The following UQCC1 variants were observed in gnomAD, a reference collection of about 807,000 sequenced individuals.
UQCC1 encodes the protein ubiquinol-cytochrome c reductase complex assembly factor 1, also known as bFGF-repressed Zic-binding protein.
A neutral mutation model predicts 48.0 loss-of-function variants in UQCC1; 38 were observed. The ratio of observed to expected loss-of-function variants is 0.79; its 90% CI spans 0.61 to 1.04. The LOEUF is 1.04. UQCC1 is among the 50% of genes least tolerant of loss of function. UQCC1 has a pLI of 0.00. For synonymous variants in UQCC1, 111 were observed against 129.2 expected (o/e 0.86, Z 0.95); for missense variants, 368 against 381.8 (o/e 0.96, Z 0.30).
rs573956285 is a variant in UQCC1, at chr20:35,340,123, G to A, written c.573+7041C>T. Among the ~76,000 whole-genome samples, 6 of 152,204 alleles carry A rather than the reference G, an allele frequency of 3.9e-5. No homozygotes were observed. In the East Asian group the frequency reaches 5.8e-4, roughly 15 times the overall value. On this transcript the variant is annotated intron_variant, in intron 7 of 9. Coordinates refer to ENST00000374385, the MANE Select transcript of UQCC1 (RefSeq NM_018244.5). ...GAAGTTGGTGTAGTGCTGCAGTAACGCAGAGTCCGATGTGCCACTCAGGAC... is the reference window on the plus strand; with the variant it reads ...GAAGTTGGTGTAGTGCTGCAGTAACACAGAGTCCGATGTGCCACTCAGGAC...
chr20:35,335,379 T>C (rs78574098), intron 7 of UQCC1, among the ~76,000 whole-genome samples: 3,781 of 152,086 alleles, frequency 0.025, 157 homozygotes, highest in African/African-American at 0.085. Context: ...AACTGATTAA[T>C]AGATTTTTAA....
At chr20:35,347,619 A>G (rs2061445451) in intron 6 of UQCC1, among the ~76,000 whole-genome samples, 1 of 152,108 alleles carries the variant, frequency 6.6e-6, no homozygotes, top group Admixed American at 6.5e-5. Flanking sequence ...CCTTCATTTT[A>G]CTGATGAAAG....
At chr20:35,328,512 T>C (rs1023244229) in intron 7 of UQCC1, among the ~76,000 whole-genome samples, 7 of 152,216 alleles carry the variant, frequency 4.6e-5, no homozygotes, top group African/African-American at 1.7e-4. Context: ...ATTACAGTTA[T>C]GTCTATTTTA....
intron 6 of UQCC1, among the ~76,000 whole-genome samples, chr20:35,349,530 T>C (rs1293776405): frequency 2.0e-5 from 3 of 152,266 alleles, no homozygotes; most frequent in Non-Finnish European, 1.5e-5. Context: ...AGTGAGACTT[T>C]TGTTATACTC....
At chr20:35,378,770 G>A (rs1568693647) in intron 4 of UQCC1, among the ~76,000 whole-genome samples, 2 of 152,128 alleles carry the variant, frequency 1.3e-5, no homozygotes, top group South Asian at 4.1e-4. Context: ...ACCTTGTAAG[G>A]CTACCTGTCC....
At chr20:35,312,418 C>T (rs1374966333) in intron 8 of UQCC1, among the ~76,000 whole-genome samples, 1 of 152,156 alleles carries the variant, frequency 6.6e-6, no homozygotes, top group Non-Finnish European at 1.5e-5. Context: ...GCATTTCTCA[C>T]TCTTTGACTA....
intron 1 of UQCC1, among the ~76,000 whole-genome samples, chr20:35,407,494 T>C (rs2062270018): frequency 6.6e-6 from 1 of 151,898 alleles, no homozygotes; most frequent in Non-Finnish European, 1.5e-5. Flanking sequence ...AAAACTTTTG[T>C]GTATCAAAGA....
chr20:35,352,657 C>A (rs1453531390), intron 6 of UQCC1, among the ~76,000 whole-genome samples: 1 of 151,252 alleles, frequency 6.6e-6, no homozygotes, highest in Non-Finnish European at 1.5e-5. Context: ...GAGGCCTAGG[C>A]TAATGTGAGT....
intron 1 of UQCC1, among the ~76,000 whole-genome samples, chr20:35,395,973 G>A (rs2062072241): frequency 7.0e-6 from 1 of 142,546 alleles, no homozygotes; most frequent in Non-Finnish European, 1.5e-5. Context: ...ATTACGGTTT[G>A]CAATGTCTTT....
intron 7 of UQCC1, chr20:35,345,118 C>CT (rs2061418914): frequency 6.6e-6 from 1 of 152,244 alleles, no homozygotes; most frequent in Non-Finnish European, 1.5e-5. Flanking sequence ...ATCTGTATCC[C>CT]TTGCAATATC....
At chr20:35,356,038 C>T (rs1436328352) in intron 6 of UQCC1, among the ~76,000 whole-genome samples, 2 of 152,126 alleles carry the variant, frequency 1.3e-5, no homozygotes, top group African/African-American at 4.8e-5. Flanking sequence ...CATGCACCAC[C>T]ATGCCCAGCT....
intron 7 of UQCC1, among the ~76,000 whole-genome samples, chr20:35,343,541 A>G (rs1540927): frequency 0.56 from 84,812 of 152,114 alleles, 24,395 homozygotes; most frequent in East Asian, 0.71. Context: ...TATATAAGGC[A>G]TGTCTATTTA....
At chr20:35,358,490 T>C (rs191566726) in intron 6 of UQCC1, among the ~76,000 whole-genome samples, 1 of 152,118 alleles carries the variant, frequency 6.6e-6, no homozygotes, top group African/African-American at 2.4e-5. Context: ...TAATCATTTA[T>C]TGAACAAGTA....
intron 2 of UQCC1, among the ~76,000 whole-genome samples, chr20:35,387,794 A>C (rs2061963131): frequency 9.0e-6 from 1 of 110,550 alleles, no homozygotes; most frequent in Non-Finnish European, 2.2e-5. Context: ...TAATTTTAGG[A>C]CAACTTTTTT....
At chr20:35,371,083 A>C (rs964397096) in intron 5 of UQCC1, among the ~76,000 whole-genome samples, 7 of 152,216 alleles carry the variant, frequency 4.6e-5, no homozygotes, top group African/African-American at 1.4e-4. Flanking sequence ...AGTATAAAAC[A>C]GTTATTTATA....
chr20:35,310,950 G>A (rs138827320), intron 8 of UQCC1, among the ~76,000 whole-genome samples: 1,966 of 149,150 alleles, frequency 0.013, 37 homozygotes, highest in African/African-American at 0.045. Flanking sequence ...TATCCACCTC[G>A]GCCTCCCAAA....
At chr20:35,359,037 A>G (rs369798890) in intron 6 of UQCC1, among the ~76,000 whole-genome samples, 2 of 152,166 alleles carry the variant, frequency 1.3e-5, no homozygotes, top group African/African-American at 4.8e-5. Context: ...CTGGCGTGCA[A>G]ATATCTCTAA....
At chr20:35,348,848 T>A (rs748432124) in intron 6 of UQCC1, among the ~76,000 whole-genome samples, 2 of 151,806 alleles carry the variant, frequency 1.3e-5, no homozygotes, top group Non-Finnish European at 2.9e-5. Context: ...GAGACGGGGG[T>A]CTCAATTTGC....
At chr20:35,347,029 A>G in intron 7 of UQCC1, 135 bp downstream of exon 7, 2 of 1,591,622 alleles carry the variant, frequency 1.3e-6, no homozygotes, top group South Asian at 2.2e-5. Flanking sequence ...AAGTGACTTT[A>G]GCGGAACTGC....
Sources: gnomAD v4.1 joint callset for allele counts (sites outside exome capture counted in the v4.1 genomes callset) on GRCh38, gnomAD v4.1.1 for gene constraint, MANE v1.5 for transcripts, NCBI Gene and HGNC (gene_info 2026-07-23, HGNC 2026-07-21) for gene names.